The following CSMD1 variants were observed in gnomAD, a reference collection of about 807,000 sequenced individuals.
CSMD1 encodes the protein CUB and Sushi multiple domains 1.
A neutral mutation model predicts 417.5 loss-of-function variants in CSMD1; 213 were observed. The observed-to-expected ratio is 0.51, with a 90% CI of 0.46 to 0.57. The LOEUF (loss-of-function observed/expected upper bound fraction) is 0.57. Ranked by LOEUF, CSMD1 falls within the 20% of genes least tolerant of loss-of-function variation. CSMD1 has a pLI of 0.00. For missense variants in CSMD1, 6,923 were observed against 4,529.7 expected, an observed-to-expected ratio of 1.53 and a Z score of -15.17; for synonymous variants, 2,862 against 1,736.8, an observed-to-expected ratio of 1.65 and a Z score of -16.11.
intron 8 of CSMD1, among the ~76,000 whole-genome samples, chr8:3,612,586 G>C (rs997440286): frequency 1.3e-5 from 2 of 152,086 alleles, no homozygotes; most frequent in African/African-American, 4.8e-5. Context: ...ATTTTTTAAA[G>C]TTCAGATCCT....
At chr8:4,370,425 G>A (rs1204395439) in intron 3 of CSMD1, among the ~76,000 whole-genome samples, 1 of 152,050 alleles carries the variant, frequency 6.6e-6, no homozygotes, top group South Asian at 2.1e-4. Flanking sequence ...CTTGGAAAGG[G>A]TCATCTTGTA....
At chr8:3,793,716 G>C (rs573280499) in intron 5 of CSMD1, among the ~76,000 whole-genome samples, 5 of 152,024 alleles carry the variant, frequency 3.3e-5, no homozygotes, top group African/African-American at 1.2e-4. Flanking sequence ...GTTTATTTGT[G>C]GTCTTGTGCA....
At chr8:3,484,749 C>G (rs1365257494) in intron 11 of CSMD1, among the ~76,000 whole-genome samples, 1 of 152,160 alleles carries the variant, frequency 6.6e-6, no homozygotes, top group East Asian at 1.9e-4. Flanking sequence ...TAAGAAACAT[C>G]CGCTTAGAAA....
At chr8:3,953,685 G>A (rs185465272) in intron 5 of CSMD1, among the ~76,000 whole-genome samples, 260 of 152,232 alleles carry the variant, frequency 1.7e-3, no homozygotes, top group Middle Eastern at 3.4e-3. Flanking sequence ...GTGATGGCGG[G>A]GAGGGGTGAG....
chr8:3,750,282 T>A (rs949847417), intron 6 of CSMD1, among the ~76,000 whole-genome samples: 2 of 151,104 alleles, frequency 1.3e-5, no homozygotes, highest in African/African-American at 2.4e-5. Flanking sequence ...AGCATAAAAA[T>A]GTATGTTCTT....
At chr8:3,092,381 T>C (rs548681373) in intron 47 of CSMD1, among the ~76,000 whole-genome samples, 2 of 152,250 alleles carry the variant, frequency 1.3e-5, no homozygotes, top group African/African-American at 2.4e-5. Context: ...AAATGCAACA[T>C]ATAACATGTG....
At chr8:3,433,548 C>A (rs900640571) in intron 12 of CSMD1, among the ~76,000 whole-genome samples, 12 of 152,094 alleles carry the variant, frequency 7.9e-5, no homozygotes, top group African/African-American at 2.9e-4. Context: ...TTCTTTCGGA[C>A]AGTCTAAATT....
intron 3 of CSMD1, among the ~76,000 whole-genome samples, chr8:4,290,451 G>C (rs1235127888): frequency 6.6e-6 from 1 of 152,046 alleles, no homozygotes; most frequent in Non-Finnish European, 1.5e-5. Context: ...CTGTTCTATG[G>C]GCAATTTTAA....
intron 5 of CSMD1, among the ~76,000 whole-genome samples, chr8:3,965,057 A>G (rs1487651569): frequency 2.0e-5 from 3 of 152,240 alleles, no homozygotes; most frequent in Admixed American, 6.5e-5. Context: ...ATATTGAGAT[A>G]AAATCCATAA....
At chr8:3,187,079 G>A (rs1318117178) in intron 36 of CSMD1, among the ~76,000 whole-genome samples, 1 of 152,220 alleles carries the variant, frequency 6.6e-6, no homozygotes, top group East Asian at 1.9e-4. Context: ...CATGTTAACA[G>A]AAGTTCATAA....
chr8:4,272,885 G>C (rs747617771), intron 3 of CSMD1, among the ~76,000 whole-genome samples: 4 of 152,246 alleles, frequency 2.6e-5, no homozygotes, highest in African/African-American at 7.2e-5. Context: ...AATTTGTTAA[G>C]TTGTAGCTTT....
chr8:4,577,786 G>C (rs59222770), intron 2 of CSMD1, among the ~76,000 whole-genome samples: 2,574 of 152,234 alleles, frequency 0.017, 65 homozygotes, highest in African/African-American at 0.059. Flanking sequence ...AGCTCATTGA[G>C]AATAAAAAAG....
chr8:3,271,240 C>T (rs1277277158), intron 26 of CSMD1, among the ~76,000 whole-genome samples: 1 of 151,954 alleles, frequency 6.6e-6, no homozygotes, highest in East Asian at 1.9e-4. Context: ...CTTCCATGTC[C>T]CTACAAAGCA....
chr8:4,093,077 A>G (rs1800805886), intron 3 of CSMD1, among the ~76,000 whole-genome samples: 1 of 152,202 alleles, frequency 6.6e-6, no homozygotes, highest in Non-Finnish European at 1.5e-5. Context: ...TGTTCTGAAT[A>G]TTTTAACCAC....
At chr8:4,595,795 A>C (rs1383174891) in intron 2 of CSMD1, among the ~76,000 whole-genome samples, 1 of 152,218 alleles carries the variant, frequency 6.6e-6, no homozygotes, top group South Asian at 2.1e-4. Context: ...AGAACATTTC[A>C]GCACCTTTTT....
intron 41 of CSMD1, among the ~76,000 whole-genome samples, chr8:3,135,673 C>T (rs1001597117): frequency 2.1e-4 from 31 of 150,648 alleles, no homozygotes; most frequent in African/African-American, 7.6e-4. Flanking sequence ...CGGCTTCTTC[C>T]CCTTTAAAAC....
At chr8:4,523,632 G>T (rs1274197062) in intron 2 of CSMD1, among the ~76,000 whole-genome samples, 2 of 152,030 alleles carry the variant, frequency 1.3e-5, no homozygotes, top group African/African-American at 4.8e-5. Context: ...GAAAACCAAG[G>T]TTCCAGTCCG....
chr8:3,536,491 T>C (rs763281661), intron 10 of CSMD1, among the ~76,000 whole-genome samples: 1 of 152,148 alleles, frequency 6.6e-6, no homozygotes, highest in Non-Finnish European at 1.5e-5. Context: ...TTAATGGGGA[T>C]TATGTTTTTT....
intron 47 of CSMD1, among the ~76,000 whole-genome samples, chr8:3,096,056 C>T (rs1487422853): frequency 1.3e-5 from 2 of 151,894 alleles, no homozygotes; most frequent in Non-Finnish European, 1.5e-5. Context: ...GACAAAAATA[C>T]CTCTAGGCCT....
Sources: gnomAD v4.1 joint callset for allele counts (sites outside exome capture counted in the v4.1 genomes callset) on GRCh38, gnomAD v4.1.1 for gene constraint, MANE v1.5 for transcripts, NCBI Gene and HGNC (gene_info 2026-07-23, HGNC 2026-07-21) for gene names.